Variants in ATM observed in about 807,000 individuals in gnomAD.
ATM encodes ATM serine/threonine kinase.
In ATM, 308 loss-of-function variants were observed where a neutral mutation model predicts 387.0. That is an observed-to-expected ratio of 0.80 (90% CI 0.73 to 0.87). The LOEUF (loss-of-function observed/expected upper bound fraction) is 0.87, where lower values mean the gene tolerates loss of function less well. Ranked by LOEUF, ATM falls within the 40% of genes least tolerant of loss-of-function variation. The pLI is 0.00. For missense variants in ATM, 3,312 were observed against 3,560.9 expected (o/e 0.93, Z 1.78); for synonymous variants, 1,156 against 1,187.3 (o/e 0.97, Z 0.54).
intron 22 of ATM, among the ~76,000 whole-genome samples, chr11:108,278,427 A>T: frequency 6.6e-6 from 1 of 152,216 alleles, no homozygotes; most frequent in East Asian, 1.9e-4. Context: ...AAAACTGAAG[A>T]TTCAAAAAGT....
chr11:108,354,964 C>A, intron 61 of ATM, 90 bp downstream of exon 61: 2 of 1,114,704 alleles, frequency 1.8e-6, no homozygotes, highest in Non-Finnish European at 2.7e-6. Context: ...AAGAGCACTG[C>A]TTCATTTTAA....
chr11:108,306,090 A>G (rs772890800), intron 37 of ATM, among the ~76,000 whole-genome samples: 19 of 152,130 alleles, frequency 1.2e-4, no homozygotes, highest in Non-Finnish European at 2.4e-4. Flanking sequence ...TACTGCTACA[A>G]CCTTCATTTG....
chr11:108,331,600 C>A (rs1365478835), intron 51 of ATM, 43 bp downstream of exon 51: 6 of 1,471,390 alleles, frequency 4.1e-6, no homozygotes, highest in Non-Finnish European at 5.5e-6. Flanking sequence ...TATTTTTATT[C>A]TATTATTACT....
chr11:108,276,758 C>T (rs1179748468), intron 22 of ATM, among the ~76,000 whole-genome samples: 2 of 152,118 alleles, frequency 1.3e-5, no homozygotes, highest in Non-Finnish European at 2.9e-5. Context: ...GAGCGGCACC[C>T]GCCAGATGGC....
At chr11:108,325,207 GTAT>G in intron 45 of ATM, 100 bp from the exon 46 acceptor site, 1 of 785,530 alleles carries the variant, frequency 1.3e-6, no homozygotes, top group East Asian at 2.7e-5. Context: ...AAGTTCCTTT[GTAT>G]TATTATAATA....
Position 108,251,825 on chromosome 11 carries a change from G to C in ATM, c.1608-12G>C, listed in dbSNP as rs749269085. On this transcript the variant is annotated splice_polypyrimidine_tract_variant and intron_variant, in intron 10 of 62. Coordinates refer to ENST00000675843, the MANE Select transcript of ATM (RefSeq NM_000051.4). ...AGCTTGCTTTTCACAATTGTCCTTTGTTTTGTTATAGTCCTGCAGTATGCT... is the reference window on the plus strand; with the variant it reads ...AGCTTGCTTTTCACAATTGTCCTTTCTTTTGTTATAGTCCTGCAGTATGCT... 2 of 1,613,496 alleles carry C rather than the reference G, an allele frequency of 1.2e-6. No individual in the cohort carries two copies. Among genetic ancestry groups the C allele is most frequent in the Non-Finnish European group, 1.7e-6 (2 of 1,179,640 alleles).
At chr11:108,275,563 A>G (rs1230038273) in intron 22 of ATM, among the ~76,000 whole-genome samples, 1 of 152,216 alleles carries the variant, frequency 6.6e-6, no homozygotes, top group East Asian at 1.9e-4. Flanking sequence ...CCTGGTGGTG[A>G]CAAAATCTCT....
chr11:108,243,962 C>G lies in ATM; in HGVS notation c.506C>G (p.Ser169Cys), dbSNP rs587779843. 1.3e-6 allele frequency: 2 copies of G among 1,566,434 alleles called. No individual in the cohort carries two copies. The highest frequency in any genetic ancestry group is 1.4e-5 in the African/African-American group (1 of 71,562). The change falls in exon 6 of 63, where the codon TCT becomes TGT. Residue 169 changes from serine to cysteine, a missense_variant. Ser to Cys is a moderately radical substitution (Grantham distance 112). Transcript: ENST00000675843. ...ISQQQWLELF[S>C]VYFRLYLKPS... ...TTTTTTTTTTTTTAAGAATTGTTCT[C>G]TGTGTACTTCAGGCTCTATCTGAAA... is the stretch of plus-strand genomic sequence containing the variant.
At chr11:108,316,431 C>T (rs1017044246) in intron 42 of ATM, among the ~76,000 whole-genome samples, 2 of 152,072 alleles carry the variant, frequency 1.3e-5, no homozygotes, top group Non-Finnish European at 2.9e-5. Context: ...AGGTAGTGTA[C>T]TTACTGCTTC....
rs771047560 is a variant in ATM at position 108,316,118 on chromosome 11, A to G, written c.6198+5A>G. On this transcript the variant is annotated splice_donor_5th_base_variant and intron_variant, in intron 42 of 62. Coordinates refer to ENST00000675843, the MANE Select transcript of ATM (RefSeq NM_000051.4). ...CGCCAGGCAGGAATCATTCAGGTAC[A>G]TTTTTTCCCAGATTTGGTAAAGCCA... 12 of 1,613,000 alleles carry G rather than the reference A, an allele frequency of 7.4e-6. No individual in the cohort carries two copies. In the South Asian group the frequency reaches 1.2e-4, roughly 16 times the overall value.
At chr11:108,296,671 A>G (rs2083138713) in intron 32 of ATM, among the ~76,000 whole-genome samples, 1 of 152,252 alleles carries the variant, frequency 6.6e-6, no homozygotes, top group African/African-American at 2.4e-5. Context: ...GTATGTAAAT[A>G]GAAACACCAT....
At chr11:108,255,800 A>G (rs2080437727) in intron 13 of ATM, among the ~76,000 whole-genome samples, 1 of 152,218 alleles carries the variant, frequency 6.6e-6, no homozygotes, top group Admixed American at 6.5e-5. Flanking sequence ...GAATAAGTCA[A>G]GGTTCCTATT....
chr11:108,313,441 T>C (rs1379850093), intron 40 of ATM, among the ~76,000 whole-genome samples: 3 of 152,206 alleles, frequency 2.0e-5, no homozygotes, highest in Non-Finnish European at 4.4e-5. Flanking sequence ...TCCAGTAAAA[T>C]AGCACTTGCT....
chr11:108,308,942 G>C (rs1565487828), intron 38 of ATM: 1 of 1,384,566 alleles, frequency 7.2e-7, no homozygotes, highest in Non-Finnish European at 9.9e-7. Context: ...TTGGGAGGCA[G>C]TTTTACCTTT....
chr11:108,223,352 G>A (rs1220031572), intron 1 of ATM, 166 bp downstream of exon 1: 1 of 152,780 alleles, frequency 6.5e-6, no homozygotes, highest in Non-Finnish European at 1.5e-5. Context: ...CGGGTGCTTA[G>A]CGGACTTGGC....
intron 40 of ATM, 122 bp from the exon 41 acceptor site, chr11:108,315,701 T>C (rs1242506205): frequency 1.3e-6 from 1 of 745,208 alleles, no homozygotes; most frequent in Admixed American, 2.2e-5. Flanking sequence ...TTACATTTTA[T>C]TTCTATAACA....
chr11:108,293,906 T>C (rs2082976493), intron 31 of ATM, among the ~76,000 whole-genome samples: 1 of 141,108 alleles, frequency 7.1e-6, no homozygotes, highest in Non-Finnish European at 1.5e-5. Flanking sequence ...TATATATATA[T>C]ATATATATAT....
At chr11:108,254,277 T>C (rs1393743971) in intron 13 of ATM, among the ~76,000 whole-genome samples, 1 of 152,160 alleles carries the variant, frequency 6.6e-6, no homozygotes, top group African/African-American at 2.4e-5. Context: ...AATAATTCCT[T>C]GTGTAGGTTA....
intron 28 of ATM, 36 bp from the exon 29 acceptor site, chr11:108,289,562 CTAAT>C: frequency 6.8e-7 from 1 of 1,470,618 alleles, no homozygotes; most frequent in Non-Finnish European, 9.4e-7. Flanking sequence ...AGCCGAGTAT[CTAAT>C]TAAACAAGTT....
Sources: allele counts gnomAD v4.1 joint callset (sites outside exome capture counted in the v4.1 genomes callset), GRCh38; gene constraint gnomAD v4.1.1; transcripts MANE v1.5; gene names NCBI Gene and HGNC (gene_info 2026-07-23, HGNC 2026-07-21).